DFFA: variants seen among roughly 807,000 people sequenced by gnomAD.
DFFA encodes the protein DFF45.
In DFFA, 14 loss-of-function variants were observed where a neutral mutation model predicts 28.0. The observed-to-expected ratio is 0.50, with a 90% CI of 0.33 to 0.78. The LOEUF is 0.78. DFFA is among the 30% of genes least tolerant of loss of function. DFFA has a pLI of 0.02. For synonymous variants in DFFA, 158 were observed against 170.3 expected (o/e 0.93, Z 0.56); for missense variants, 395 against 407.1 (o/e 0.97, Z 0.26).
Position 10,469,238 on chromosome 1 carries a change from T to C in DFFA, c.237A>G (p.Leu79=), listed in dbSNP as rs1407270291. ...IVDDDDYFLC[L]PSNTKFVALA... ...ATGCCACAAACTTAGTATTGGAAGG[T>C]AGACACAGAAAGTAATCGTCATCAT... The change falls in exon 2 of 6, where the codon CTA becomes CTG. Residue 79 remains leucine, a synonymous_variant. Transcript: ENST00000377038. The C allele has an allele frequency of 3.7e-6, 6 of 1,614,078 alleles. No individual in the cohort carries two copies. The African/African-American group carries it at 6.7e-5, about 18-fold the overall frequency.
intron 2 of DFFA, among the ~76,000 whole-genome samples, chr1:10,468,669 C>T (rs781406242): frequency 6.6e-6 from 1 of 151,980 alleles, no homozygotes; most frequent in African/African-American, 2.4e-5. Context: ...CACTGAGCTC[C>T]CTGCCAGGCT....
chr1:10,466,309 G>A (rs1327534819), intron 3 of DFFA, among the ~76,000 whole-genome samples: 2 of 152,002 alleles, frequency 1.3e-5, no homozygotes, highest in African/African-American at 4.8e-5. Flanking sequence ...TCAGCATCCC[G>A]AGTAGCTGGG....
intron 2 of DFFA, among the ~76,000 whole-genome samples, chr1:10,468,240 G>A (rs1225156765): frequency 6.6e-6 from 1 of 151,942 alleles, no homozygotes; most frequent in African/African-American, 2.4e-5. Context: ...GATGATGGCA[G>A]GGACAGGTAA....
chr1:10,467,620 C>T (rs1272397716), intron 2 of DFFA, among the ~76,000 whole-genome samples: 1 of 152,058 alleles, frequency 6.6e-6, no homozygotes, highest in Non-Finnish European at 1.5e-5. Context: ...AAGCGATTCT[C>T]CTGCCTCAGC....
chr1:10,467,391 T>C lies in DFFA; in HGVS notation c.299-59A>G. On this transcript the variant is annotated intron_variant, in intron 2 of 5. Coordinates refer to ENST00000377038, the MANE Select transcript of DFFA (RefSeq NM_004401.3). Reference sequence around the variant, plus strand: ...AACCTGAAGTGCTGTTTTCACCTCCTCCCCCAGCACACACAGACCTCTTGA... The same window carrying C: ...AACCTGAAGTGCTGTTTTCACCTCCCCCCCCAGCACACACAGACCTCTTGA... 5.1e-6 allele frequency: 8 copies of C among 1,584,112 alleles called. No individual in the cohort carries two copies. In the South Asian group the frequency reaches 5.5e-5, roughly 11 times the overall value.
intron 3 of DFFA, 51 bp downstream of exon 3, chr1:10,467,139 G>C (rs747270629): frequency 4.1e-5 from 66 of 1,604,186 alleles, no homozygotes; most frequent in South Asian, 6.6e-5. Flanking sequence ...GTGCTGGGGC[G>C]GGGGGCAGAG....
At chr1:10,463,911 C>T (rs950924092) in intron 3 of DFFA, among the ~76,000 whole-genome samples, 1 of 151,848 alleles carries the variant, frequency 6.6e-6, no homozygotes, top group Non-Finnish European at 1.5e-5. Flanking sequence ...GTGATCCACC[C>T]GCCTTGGCCT....
chr1:10,471,219 G>A (rs1641094701), intron 1 of DFFA, among the ~76,000 whole-genome samples: 1 of 152,120 alleles, frequency 6.6e-6, no homozygotes, highest in Admixed American at 6.6e-5. Flanking sequence ...CTCCAGGACA[G>A]GTCTGTACTA....
chr1:10,463,451 C>G lies in DFFA; in HGVS notation c.611G>C (p.Ser204Thr), dbSNP rs146450686. ...LYLQALEKEGSLLSKQEESKA... is the reference protein window; with the variant it reads ...LYLQALEKEGTLLSKQEESKA... ...CCTACCTTCCTGCTTTGACAAGAGGCTGCCCTCTTTCTCCAAAGCCTGGAG... is the reference window on the plus strand; with the variant it reads ...CCTACCTTCCTGCTTTGACAAGAGGGTGCCCTCTTTCTCCAAAGCCTGGAG... Residue 204 changes from serine (S) to threonine (T), a missense_variant, in exon 4 of 6, where the codon AGC becomes ACC. Coordinates refer to ENST00000377038, the MANE Select transcript of DFFA (RefSeq NM_004401.3). The G allele has an allele frequency of 6.2e-7, 1 of 1,613,242 alleles. No individual in the cohort carries two copies. The highest frequency in any genetic ancestry group is 2.2e-5 in the East Asian group (1 of 44,884).
chr1:10,461,608 AGCTCCC>A lies in DFFA; in HGVS notation c.872_877del (p.Arg291_Glu292del), dbSNP rs1640940867. 2 of 1,614,082 alleles carry A rather than the reference AGCTCCC, an allele frequency of 1.2e-6. No homozygotes were observed. The highest frequency in any genetic ancestry group is 1.7e-6 in the Non-Finnish European group (2 of 1,180,042). On this transcript the variant is annotated inframe_deletion, in exon 6 of 6. Transcript: ENST00000377038. Reference sequence around the variant, plus strand: ...CTGCGTCTGCTGCAGGCGCAGGGCGAGCTCCCGCTCACAGGCCTCCTGAACAGTCTC... The same window carrying A: ...CTGCGTCTGCTGCAGGCGCAGGGCGAGCTCACAGGCCTCCTGAACAGTCTC...
At position 10,461,515 on chromosome 1, in the gene DFFA, T is replaced by C; in HGVS notation, c.971A>G (p.Lys324Arg). Residue 324 changes from lysine to arginine, a missense_variant, in exon 6 of 6, where the codon AAG becomes AGG. Coordinates refer to ENST00000377038, the MANE Select transcript of DFFA (RefSeq NM_004401.3). The stretch of plus-strand genomic sequence containing the variant: ...CTATGTGGGATCCTGTCTGGCTCGC[T>C]TAGGATTCTGCAGGTCACCAGGTGG... The part of the protein sequence containing the change: ...ASPPGDLQNP[K>R]RARQDPT 6.2e-7 allele frequency: 1 copy of C among 1,614,120 alleles called. No homozygotes were observed. The highest frequency in any genetic ancestry group is 8.5e-7 in the Non-Finnish European group (1 of 1,179,988).
At position 10,463,117 on chromosome 1, in the gene DFFA, G is replaced by A. The variant is rs1477605116; in HGVS notation, c.724C>T (p.Leu242Phe). 6.2e-7 allele frequency: 1 copy of A among 1,614,134 alleles called. No homozygotes were observed. The highest frequency in any genetic ancestry group is 1.1e-5 in the South Asian group (1 of 91,080). ...SSDVALASHILTALREKQAPE... is the reference protein window; with the variant it reads ...SSDVALASHIFTALREKQAPE... ...GCCTGCTTCTCCCTCAGTGCAGTAA[G>A]GATGTGGCTCGCCAGCGCAACGTCC... The change falls in exon 5 of 6, where the codon CTT becomes TTT. Residue 242 changes from leucine (L) to phenylalanine (F), a missense_variant. By Grantham distance (22) the Leu-to-Phe change is conservative. Transcript: ENST00000377038.
In DFFA at chr1:10,457,035, C is replaced by A. The variant is rs1437224146; in HGVS notation, c.*4455G>T. On this transcript the variant is annotated 3_prime_UTR_variant, in exon 6 of 6. Transcript: ENST00000377038. ...TCTTTGATAGAGGACTCCAGCACCC[C>A]ATCTGTCTGCCCCTGAGAAACGAAA... The A allele has an allele frequency of 1.3e-5, 2 of 152,366 alleles. No homozygotes were observed. The highest frequency in any genetic ancestry group is 2.9e-5 in the Non-Finnish European group (2 of 68,168). 9.4% of individuals were successfully genotyped at this position (152,366 alleles called of 1,614,324 possible). A position where few individuals can be genotyped will look rare whatever the true frequency, so the allele number is the denominator to read the frequency against.
In DFFA at chr1:10,472,430, G is replaced by T. The variant is rs752420810; in HGVS notation, c.29C>A (p.Pro10Gln). 6.2e-7 allele frequency: 1 copy of T among 1,611,370 alleles called. No homozygotes were observed. The highest frequency in any genetic ancestry group is 1.7e-5 in the Admixed American group (1 of 59,724). ...TAGAGTCCGGATCTCGCCAGATTCT[G>T]GTACCCCGGCGTCCCCGGTCACCTC... is the stretch of plus-strand genomic sequence containing the variant. MEVTGDAGV[P>Q]ESGEIRTLKP... is the part of the protein sequence containing the mutation. Residue 10 changes from proline to glutamine, a missense_variant, in exon 1 of 6, where the codon CCA (proline) becomes CAA (glutamine). Pro to Gln is a moderately conservative substitution (Grantham distance 76, BLOSUM62 -1). Transcript: ENST00000377038. This position sits in a 1 kb window ranked among gnomAD's most constrained non-coding sequence, Gnocchi z 5.0.
rs144450578 is a variant in DFFA at position 10,463,329 on chromosome 1, G to A, written c.631+102C>T. 5.2e-4 allele frequency: 808 copies of A among 1,539,546 alleles called. 5 individuals are homozygous for A. The East Asian group carries it at 0.017, about 33-fold the overall frequency. ...GTGCCCGTCCCGCATCCCAGCAGCC[G>A]CGGCTTCAGTGGCCCTGGCTACATC... On this transcript the variant is annotated intron_variant, in intron 4 of 5. Transcript: ENST00000377038.
In DFFA at chr1:10,467,288, C is replaced by A; in HGVS notation, c.343G>T (p.Glu115Ter). The A allele has an allele frequency of 1.2e-6, 2 of 1,614,142 alleles. No homozygotes were observed. The highest frequency in any genetic ancestry group is 2.2e-5 in the South Asian group (2 of 91,086). The change falls in exon 3 of 6, where the codon GAA (glutamate) becomes TAA (stop). Residue 115 changes from glutamate to a stop codon, truncating the protein, a stop_gained. Transcript: ENST00000377038. LOFTEE classifies it high-confidence loss of function. ...WISQESFDVD[E>*]TDSGAGLKWK... ...TTCAACCCTGCCCCGCTGTCTGTTT[C>A]ATCTACATCAAAGGACTCTTGGGAA...
At chr1:10,471,160 A>T (rs1303514093) in intron 1 of DFFA, among the ~76,000 whole-genome samples, 1 of 152,128 alleles carries the variant, frequency 6.6e-6, no homozygotes, top group African/African-American at 2.4e-5. Flanking sequence ...AAGAAGTGGA[A>T]GCTTCTATCA....
At chr1:10,462,493 C>A in intron 5 of DFFA, 1 of 988,074 alleles carries the variant, frequency 1.0e-6, no homozygotes, top group Middle Eastern at 5.2e-4. Context: ...TTACTTGGAG[C>A]AACTCTAAGG....
Position 10,457,770 on chromosome 1 carries a change from T to C in DFFA, c.*3720A>G, listed in dbSNP as rs1446160609. On this transcript the variant is annotated 3_prime_UTR_variant, in exon 6 of 6. Coordinates refer to ENST00000377038, the MANE Select transcript of DFFA (RefSeq NM_004401.3). ...ACTGAGAGGTTAGACTCAAGCCGGT[T>C]TGTCTCACTCCCAAATCCACAGGAC... 6.6e-6 allele frequency: 1 copy of C among 152,222 alleles called. No homozygotes were observed. The highest frequency in any genetic ancestry group is 1.5e-5 in the Non-Finnish European group (1 of 68,060). The allele number at this position is 152,222 out of a possible 1,614,324, so 9.4% of individuals were successfully genotyped here. A position where few individuals can be genotyped will look rare whatever the true frequency, so the allele number is the denominator to read the frequency against.
Sources: gnomAD v4.1 joint callset for allele counts (sites outside exome capture counted in the v4.1 genomes callset) on GRCh38, gnomAD v4.1.1 for gene constraint, Gnocchi (gnomAD v3.1) non-coding constraint, MANE v1.5 for transcripts, NCBI Gene and HGNC (gene_info 2026-07-23, HGNC 2026-07-21) for gene names.